Variants in CSMD3 observed in about 807,000 individuals in gnomAD.
CSMD3 encodes CUB and Sushi multiple domains 3.
CSMD3 carries 177 observed loss-of-function variants against 435.2 expected under a neutral mutation model. That is an observed-to-expected ratio of 0.41 (90% CI 0.36 to 0.46). The LOEUF (loss-of-function observed/expected upper bound fraction) is 0.46, where lower values mean the gene tolerates loss of function less well. Ranked by LOEUF, CSMD3 falls within the 20% of genes least tolerant of loss-of-function variation. The pLI is 0.34. For missense variants in CSMD3, 4,265 were observed against 4,504.6 expected (o/e 0.95, Z 1.52); for synonymous variants, 1,656 against 1,520.5 (o/e 1.09, Z -2.07).
intron 38 of CSMD3, among the ~76,000 whole-genome samples, chr8:112,356,865 G>T (rs1174100341): frequency 2.0e-5 from 3 of 152,116 alleles, no homozygotes. Flanking sequence ...CTGTGGAACT[G>T]CAAGTCCAAT....
chr8:112,624,746 T>C (rs556219269), intron 22 of CSMD3, among the ~76,000 whole-genome samples: 2 of 152,020 alleles, frequency 1.3e-5, no homozygotes, highest in East Asian at 3.9e-4. Context: ...TAGTGTTATT[T>C]CACTTCTTTC....
At chr8:113,012,510 T>C (rs1461000613) in intron 6 of CSMD3, among the ~76,000 whole-genome samples, 1 of 151,974 alleles carries the variant, frequency 6.6e-6, no homozygotes, top group Non-Finnish European at 1.5e-5. Context: ...GATTGGATTA[T>C]GAAGGCGGTT....
intron 48 of CSMD3, 69 bp from the exon 49 acceptor site, chr8:112,314,121 T>C: frequency 8.4e-7 from 1 of 1,191,186 alleles, no homozygotes; most frequent in Non-Finnish European, 1.2e-6. Flanking sequence ...GTATTTTATA[T>C]CTTTAGAATA....
chr8:113,199,755 A>G (rs950819120), intron 3 of CSMD3, among the ~76,000 whole-genome samples: 2 of 151,774 alleles, frequency 1.3e-5, no homozygotes, highest in African/African-American at 4.8e-5. Flanking sequence ...ACTATGCTGC[A>G]TTTCATCACT....
At chr8:112,453,430 T>G (rs1028789839) in intron 32 of CSMD3, among the ~76,000 whole-genome samples, 1 of 152,094 alleles carries the variant, frequency 6.6e-6, no homozygotes, top group Non-Finnish European at 1.5e-5. Flanking sequence ...GGATACAAAA[T>G]CAATGTACAA....
intron 6 of CSMD3, chr8:113,018,847 A>G (rs2086572750): frequency 3.7e-6 from 2 of 545,824 alleles, no homozygotes; most frequent in East Asian, 6.1e-5. Context: ...TTTAGAAATC[A>G]TAATATTCAT....
At chr8:112,495,586 T>G (rs1821254468) in intron 30 of CSMD3, among the ~76,000 whole-genome samples, 1 of 152,216 alleles carries the variant, frequency 6.6e-6, no homozygotes, top group Non-Finnish European at 1.5e-5. Flanking sequence ...AATACTGTCT[T>G]TATTTATATC....
intron 22 of CSMD3, among the ~76,000 whole-genome samples, chr8:112,590,334 A>G (rs890733104): frequency 6.6e-6 from 1 of 152,062 alleles, no homozygotes. Context: ...GACTCTCTGA[A>G]GTACTGCAAC....
intron 12 of CSMD3, among the ~76,000 whole-genome samples, chr8:112,804,219 T>C (rs1007899875): frequency 1.3e-5 from 2 of 152,130 alleles, no homozygotes; most frequent in African/African-American, 4.8e-5. Flanking sequence ...TTGATGACTA[T>C]CCAAATTCAA....
intron 31 of CSMD3, among the ~76,000 whole-genome samples, chr8:112,476,603 T>C (rs1483173009): frequency 6.6e-6 from 1 of 152,186 alleles, no homozygotes; most frequent in Non-Finnish European, 1.5e-5. Context: ...GGTTTTTTGG[T>C]AATAATTTTA....
intron 13 of CSMD3, among the ~76,000 whole-genome samples, chr8:112,733,140 T>C (rs940998248): frequency 6.6e-6 from 1 of 152,108 alleles, no homozygotes; most frequent in Non-Finnish European, 1.5e-5. Context: ...AGAGTAGCCA[T>C]AGCAAACAAT....
chr8:113,434,672 G>C (rs1241989336), intron 1 of CSMD3, among the ~76,000 whole-genome samples: 1 of 152,198 alleles, frequency 6.6e-6, no homozygotes, highest in Non-Finnish European at 1.5e-5. Context: ...CAGGATCAAA[G>C]AAGGCTATGA....
chr8:112,896,931 G>T (rs2081965849), intron 10 of CSMD3, among the ~76,000 whole-genome samples: 1 of 151,342 alleles, frequency 6.6e-6, no homozygotes, highest in African/African-American at 2.4e-5. Flanking sequence ...CTATTCCAAA[G>T]AAATTATTTA....
chr8:113,051,391 C>T (rs759148401), intron 5 of CSMD3, among the ~76,000 whole-genome samples: 4 of 152,068 alleles, frequency 2.6e-5, no homozygotes, highest in Non-Finnish European at 5.9e-5. Flanking sequence ...ATTATATATA[C>T]ATTTCAAGTA....
At chr8:112,859,776 T>C (rs1442659956) in intron 10 of CSMD3, among the ~76,000 whole-genome samples, 1 of 151,754 alleles carries the variant, frequency 6.6e-6, no homozygotes, top group Non-Finnish European at 1.5e-5. Context: ...TACATTTAAG[T>C]AATTGTAATG....
At chr8:112,658,137 C>T (rs1037891364) in intron 17 of CSMD3, among the ~76,000 whole-genome samples, 13 of 152,138 alleles carry the variant, frequency 8.5e-5, no homozygotes, top group Non-Finnish European at 1.6e-4. Context: ...ATGTTAAATG[C>T]ACTTTCCAAT....
intron 13 of CSMD3, among the ~76,000 whole-genome samples, chr8:112,695,442 A>G (rs1014669751): frequency 1.3e-5 from 2 of 152,210 alleles, no homozygotes; most frequent in Non-Finnish European, 2.9e-5. Flanking sequence ...CAAATCAATA[A>G]ATGCAATCCA....
intron 7 of CSMD3, 40 bp from the exon 8 acceptor site, chr8:112,954,801 C>A: frequency 2.5e-6 from 3 of 1,178,338 alleles, no homozygotes; most frequent in Non-Finnish European, 3.8e-6. Context: ...TCAGGAAATA[C>A]AATTTTAAAA....
chr8:112,573,617 G>A lies in CSMD3; in HGVS notation c.3926C>T (p.Ala1309Val), dbSNP rs1311328128. The change falls in exon 24 of 71, where the codon GCT (alanine) becomes GTT (valine). Residue 1309 changes from alanine to valine, a missense_variant. Physicochemically the swap from Ala to Val is moderately conservative, Grantham distance 64 (BLOSUM62 0). Coordinates refer to ENST00000297405, the MANE Select transcript of CSMD3 (RefSeq NM_198123.2). ...GKDKTTHLLG[A>V]FTGASMRGLT... ...TCCGCGCATAGATGCACCAGTAAAAGCACCTAGTAGATGAGTCGTTTTATC... is the reference window on the plus strand; with the variant it reads ...TCCGCGCATAGATGCACCAGTAAAAACACCTAGTAGATGAGTCGTTTTATC... The A allele has an allele frequency of 2.5e-6, 4 of 1,612,816 alleles. No homozygotes were observed. The Admixed American group carries it at 5.0e-5, about 20-fold the overall frequency.
Sources: allele counts gnomAD v4.1 joint callset (sites outside exome capture counted in the v4.1 genomes callset), GRCh38; gene constraint gnomAD v4.1.1; transcripts MANE v1.5; gene names NCBI Gene and HGNC (gene_info 2026-07-23, HGNC 2026-07-21).